PSME4: variants seen among roughly 807,000 people sequenced by gnomAD.
The protein encoded by PSME4 is proteasome activator complex subunit 4.
A neutral mutation model predicts 253.9 loss-of-function variants in PSME4; 89 were observed. That is an observed-to-expected ratio of 0.35 (90% CI 0.30 to 0.42). The LOEUF (loss-of-function observed/expected upper bound fraction) is 0.42, where lower values mean the gene tolerates loss of function less well. Ranked by LOEUF, PSME4 falls within the 10% of genes least tolerant of loss-of-function variation. The pLI is 1.00. For synonymous variants in PSME4, 851 were observed against 759.2 expected (o/e 1.12, Z -1.99); for missense variants, 2,014 against 2,195.2 (o/e 0.92, Z 1.65).
At chr2:53,871,746 G>T (rs1365155660) in intron 43 of PSME4, among the ~76,000 whole-genome samples, 2 of 152,044 alleles carry the variant, frequency 1.3e-5, no homozygotes, top group Admixed American at 6.6e-5. Context: ...AGGGCATGGT[G>T]GCTCACGCCT....
intron 26 of PSME4, among the ~76,000 whole-genome samples, chr2:53,906,361 T>C (rs1259679117): frequency 6.6e-6 from 1 of 152,244 alleles, no homozygotes; most frequent in African/African-American, 2.4e-5. Context: ...TTAGCTTGAA[T>C]ATATTTGCAA....
At position 53,893,725 on chromosome 2, in the gene PSME4, T is replaced by C. The variant is rs1183583703; in HGVS notation, c.3987A>G (p.Glu1329=). 1 of 1,611,098 alleles carries C rather than the reference T, an allele frequency of 6.2e-7. No homozygotes were observed. The highest frequency in any genetic ancestry group is 8.5e-7 in the Non-Finnish European group (1 of 1,178,452). ...TAAACTTATCTTTTCCTTTTCTGTCTTCTAATGATAGAAAAGTAATTAACT... is the reference window on the plus strand; with the variant it reads ...TAAACTTATCTTTTCCTTTTCTGTCCTCTAATGATAGAAAAGTAATTAACT... The part of the protein sequence containing the change: ...VEQLITFLSL[E]DRKGKDKFNP... The change falls in exon 35 of 47, where the codon GAA becomes GAG. Residue 1329 remains glutamate (E), a synonymous_variant. Coordinates refer to ENST00000404125, the MANE Select transcript of PSME4 (RefSeq NM_014614.3).
chr2:53,933,913 G>T (rs805356), intron 8 of PSME4, among the ~76,000 whole-genome samples: 44,276 of 151,976 alleles, frequency 0.29, 6,852 homozygotes, highest in South Asian at 0.47. Flanking sequence ...AAAAACAAGG[G>T]GGGGCTTAAA....
In PSME4 at chr2:53,970,701, C is replaced by G. The variant is rs1172276931; in HGVS notation, c.84G>C (p.Pro28=). The change falls in exon 1 of 47, where the codon CCG becomes CCC. Residue 28 remains proline (P), a synonymous_variant. Coordinates refer to ENST00000404125, the MANE Select transcript of PSME4 (RefSeq NM_014614.3). Reference sequence around the variant, plus strand: ...GCTTGTTGTAGACGATCTCCTTCTGCGGGACGAAGCCCCGCGGGCCCGGCT... The same window carrying G: ...GCTTGTTGTAGACGATCTCCTTCTGGGGGACGAAGCCCCGCGGGCCCGGCT... ...RPEPGPRGFV[P]QKEIVYNKLL... The G allele has an allele frequency of 5.2e-6, 8 of 1,549,036 alleles. No homozygotes were observed. The highest frequency in any genetic ancestry group is 1.4e-5 in the African/African-American group (1 of 73,020).
Position 53,892,923 on chromosome 2 carries a change from A to G in PSME4, c.4076T>C (p.Val1359Ala), listed in dbSNP as rs1460726692. 1 of 1,613,804 alleles carries G rather than the reference A, an allele frequency of 6.2e-7. No homozygotes were observed. The highest frequency in any genetic ancestry group is 8.5e-7 in the Non-Finnish European group (1 of 1,179,848). ...CAAATGTTCTAAATGGGGCTTCAGA[A>G]CTGGCAGGAAGGCATCATCAAAATT... ...FRNFDDAFLP[V>A]LKPHLEHLVA... The change falls in exon 36 of 47, where the codon GTT becomes GCT. Residue 1359 changes from valine to alanine, a missense_variant. Around this residue, in one of 4 missense-constraint regions of PSME4, gnomAD observed 989 missense variants for 1,021.1 expected, o/e 0.97. Coordinates refer to ENST00000404125, the MANE Select transcript of PSME4 (RefSeq NM_014614.3).
chr2:53,888,993 G>A (rs1679766965), intron 37 of PSME4, among the ~76,000 whole-genome samples, 181 bp from the exon 38 acceptor site: 1 of 152,090 alleles, frequency 6.6e-6, no homozygotes, highest in Admixed American at 6.5e-5. Context: ...GGTCTCTCAA[G>A]TAGCTGGGAC....
chr2:53,920,089 C>T lies in PSME4; in HGVS notation c.2420+104G>A. The T allele has an allele frequency of 2.8e-6, 3 of 1,064,160 alleles. No homozygotes were observed. The East Asian group carries it at 7.3e-5, about 26-fold the overall frequency. The allele number at this position is 1,064,160 out of a possible 1,614,324, so 65.9% of individuals were successfully genotyped here. On this transcript the variant is annotated intron_variant, in intron 19 of 46. Transcript: ENST00000404125. ...TCTAAGTACATGTATAGCAGATTTT[C>T]AAAACACAATTGAAAATTAATACAT...
At chr2:53,906,072 G>T (rs1359374433) in intron 26 of PSME4, among the ~76,000 whole-genome samples, 1 of 152,118 alleles carries the variant, frequency 6.6e-6, no homozygotes, top group Admixed American at 6.5e-5. Flanking sequence ...CATAAAGATA[G>T]AATAATTAGT....
At chr2:53,970,427 C>T in intron 1 of PSME4, 116 bp downstream of exon 1, 1 of 1,478,820 alleles carries the variant, frequency 6.8e-7, no homozygotes, top group Non-Finnish European at 9.0e-7. Context: ...CGCTCGGGGA[C>T]AGCTCCAGCG....
chr2:53,918,080 G>C (rs1158674735), intron 20 of PSME4, among the ~76,000 whole-genome samples: 1 of 152,112 alleles, frequency 6.6e-6, no homozygotes. Context: ...ACTACACAAA[G>C]TATGGGAAAG....
intron 10 of PSME4, among the ~76,000 whole-genome samples, chr2:53,930,631 G>A (rs141326681): frequency 6.6e-6 from 1 of 152,222 alleles, no homozygotes; most frequent in South Asian, 2.1e-4. Context: ...ATGGCAATGA[G>A]GGCAGGTAAG....
chr2:53,901,567 A>T lies in PSME4; in HGVS notation c.3076-8T>A, dbSNP rs1376911585. The T allele has an allele frequency of 6.3e-7, 1 of 1,589,222 alleles. No individual in the cohort carries two copies. The highest frequency in any genetic ancestry group is 1.7e-5 in the Admixed American group (1 of 58,686). On this transcript the variant is annotated splice_region_variant and splice_polypyrimidine_tract_variant and intron_variant, in intron 27 of 46. Transcript: ENST00000404125. ...GAGACAGTACAAGGCACCCTGCAGA[A>T]AAAAAAATATATATATGTTTACATG... is the stretch of plus-strand genomic sequence containing the variant.
chr2:53,870,878 C>T (rs1348625088), intron 43 of PSME4: 1 of 151,958 alleles, frequency 6.6e-6, no homozygotes, highest in Non-Finnish European at 1.5e-5. Flanking sequence ...TCAAGCAATC[C>T]TCCTGCCTTG....
chr2:53,916,857 A>G (rs1668084133), intron 20 of PSME4, among the ~76,000 whole-genome samples: 1 of 152,162 alleles, frequency 6.6e-6, no homozygotes, highest in African/African-American at 2.4e-5. Flanking sequence ...AATTCTATTA[A>G]GAACTTGCAA....
At chr2:53,931,738 A>C (rs1450786168) in intron 10 of PSME4, 97 bp downstream of exon 10, 6 of 1,342,752 alleles carry the variant, frequency 4.5e-6, no homozygotes, top group Non-Finnish European at 6.1e-6. Context: ...TAAGCATCGA[A>C]GAAGCAAAAC....
chr2:53,890,008 AT>A, intron 37 of PSME4, 95 bp downstream of exon 37: 2 of 958,978 alleles, frequency 2.1e-6, no homozygotes, highest in East Asian at 2.5e-5. Context: ...ACCCAAAAAG[AT>A]TTAAGAAGTG....
At chr2:53,895,782 C>T in intron 32 of PSME4, 46 bp from the exon 33 acceptor site, 1 of 1,493,694 alleles carries the variant, frequency 6.7e-7, no homozygotes, top group South Asian at 1.3e-5. Context: ...AATATTCGCC[C>T]AACAATTATT....
chr2:53,945,899 T>C (rs1669678218), intron 3 of PSME4, among the ~76,000 whole-genome samples: 2 of 152,232 alleles, frequency 1.3e-5, no homozygotes, highest in South Asian at 4.1e-4. Context: ...ATAAATTTTA[T>C]TTTAGAATAA....
rs772302218 is a variant in PSME4 at position 53,887,484 on chromosome 2, TTAA to T, written c.4521-20_4521-18del. On this transcript the variant is annotated intron_variant, in intron 39 of 46. Transcript: ENST00000404125. ...GTCAGCACACTGCAAAATAAAATAC[TTAA>T]TAATAGGAAGAGGTGCCACATTATA... is the stretch of plus-strand genomic sequence containing the variant. 5 of 1,587,338 alleles carry T rather than the reference TTAA, an allele frequency of 3.1e-6. No individual in the cohort carries two copies. The East Asian group carries it at 6.7e-5, about 21-fold the overall frequency.
Sources: allele counts gnomAD v4.1 joint callset (sites outside exome capture counted in the v4.1 genomes callset), GRCh38; gene constraint gnomAD v4.1.1; regional missense constraint gnomAD v4.1.1; transcripts MANE v1.5; gene names NCBI Gene and HGNC (gene_info 2026-07-23, HGNC 2026-07-21).